DCPS: variants seen among roughly 807,000 people sequenced by gnomAD.
DCPS encodes decapping enzyme, scavenger, also known as m7GpppX diphosphatase.
A neutral mutation model predicts 34.7 loss-of-function variants in DCPS; 27 were observed. The ratio of observed to expected loss-of-function variants is 0.78; its 90% CI spans 0.57 to 1.07. The LOEUF (loss-of-function observed/expected upper bound fraction) is 1.07. Among genes scored for constraint, DCPS ranks in the 50% least tolerant of loss-of-function variants. The pLI is 0.00. For synonymous variants in DCPS, 185 were observed against 185.7 expected (o/e 1.00, Z 0.03); for missense variants, 464 against 436.9 (o/e 1.06, Z -0.55).
chr11:126,348,463 C>G lies in DCPS; in HGVS notation c.*2850C>G, dbSNP rs1381022354. ...TTCAGAGCCAGCCAGTGCTCTGCTG[C>G]TGTAATCTCCAGGGACCCTGCCGGC... On this transcript the variant is annotated 3_prime_UTR_variant, in exon 6 of 6. Transcript: ENST00000263579. The surrounding 1 kb of genome is among the most constrained non-coding windows in gnomAD (Gnocchi z 5.3). 6.6e-6 allele frequency among the ~76,000 whole-genome samples: 1 copy of G among 152,258 alleles called. No individual in the cohort carries two copies. Among genetic ancestry groups the G allele is most frequent in the African/African-American group, 2.4e-5 (1 of 41,472 alleles).
intron 1 of DCPS, 135 bp downstream of exon 1, chr11:126,304,416 C>G (rs560272115): frequency 3.0e-6 from 3 of 992,632 alleles, no homozygotes; most frequent in Non-Finnish European, 4.5e-6. Flanking sequence ...GAGTGCGCCA[C>G]TAGAATGCAT....
rs1445782478 is a variant in DCPS, at chr11:126,312,932, G to T, written c.376+6188G>T. Among the ~76,000 whole-genome samples the T allele has an allele frequency of 6.6e-6, 1 of 152,100 alleles. No homozygotes were observed. Among genetic ancestry groups the T allele is most frequent in the Non-Finnish European group, 1.5e-5 (1 of 68,026 alleles). ...GTGTGGCACATGTGAGGAGCTAATG[G>T]CCCGAAGGCTGGCACCTGAGAGCTT... On this transcript the variant is annotated intron_variant, in intron 2 of 5. Transcript: ENST00000263579. This position sits in a 1 kb window ranked among gnomAD's most constrained non-coding sequence, Gnocchi z 5.1.
rs1951835407 is a variant in DCPS, at chr11:126,336,743, G to A, written c.523-1543G>A. On this transcript the variant is annotated intron_variant, in intron 3 of 5. Transcript: ENST00000263579. The surrounding 1 kb of genome is among the most constrained non-coding windows in gnomAD (Gnocchi z 6.3). Reference sequence around the variant, plus strand: ...GAGGAAATGCCTCTGTGGATGTACTGGCCATGCATTGCTCTGGCCCCGGCA... The same window carrying A: ...GAGGAAATGCCTCTGTGGATGTACTAGCCATGCATTGCTCTGGCCCCGGCA... 6.6e-6 allele frequency: 1 copy of A among 152,226 alleles called. No homozygotes were observed. Among genetic ancestry groups the A allele is most frequent in the Admixed American group, 6.5e-5 (1 of 15,282 alleles). The allele number at this position is 152,226 out of a possible 1,614,324, so 9.4% of individuals were successfully genotyped here.
chr11:126,317,553 C>T (rs898225445), intron 2 of DCPS, among the ~76,000 whole-genome samples: 1 of 152,210 alleles, frequency 6.6e-6, no homozygotes, highest in African/African-American at 2.4e-5. Context: ...CTGCTGGTTT[C>T]TTTCAATGGC....
Position 126,328,333 on chromosome 11 carries a change from G to T in DCPS, c.377-3072G>T. Among the ~76,000 whole-genome samples the T allele has an allele frequency of 6.6e-6, 1 of 152,144 alleles. No homozygotes were observed. On this transcript the variant is annotated intron_variant, in intron 2 of 5. Transcript: ENST00000263579. This position sits in a 1 kb window ranked among gnomAD's most constrained non-coding sequence, Gnocchi z 6.6. Reference sequence around the variant, plus strand: ...GGCCCTGACTGAGGCTTTCGGTGGAGACCTGAGGGAAGCCAGGCCCCTTAG... The same window carrying T: ...GGCCCTGACTGAGGCTTTCGGTGGATACCTGAGGGAAGCCAGGCCCCTTAG...
chr11:126,330,736 T>A, intron 2 of DCPS, among the ~76,000 whole-genome samples: 1 of 113,652 alleles, frequency 8.8e-6, no homozygotes, highest in Admixed American at 9.2e-5. Flanking sequence ...TTTTTTTTTT[T>A]TTTTTTTTTT....
chr11:126,329,923 GATTAAGA>G lies in DCPS; in HGVS notation c.377-1480_377-1474del, dbSNP rs1219957325. On this transcript the variant is annotated intron_variant, in intron 2 of 5. Coordinates refer to ENST00000263579, the MANE Select transcript of DCPS (RefSeq NM_014026.6). The surrounding 1 kb of genome is among the most constrained non-coding windows in gnomAD (Gnocchi z 5.0). ...CCCTGGGAGAGCCTATCCGAACCCA[GATTAAGA>G]AAGTCAGAGGGAACCATGGGTCTTT... Among the ~76,000 whole-genome samples, 1 of 152,164 alleles carries G rather than the reference GATTAAGA, an allele frequency of 6.6e-6. No individual in the cohort carries two copies. Among genetic ancestry groups the G allele is most frequent in the African/African-American group, 2.4e-5 (1 of 41,428 alleles).
Position 126,331,584 on chromosome 11 carries a change from G to A in DCPS, c.522+34G>A. 1 of 1,608,014 alleles carries A rather than the reference G, an allele frequency of 6.2e-7. No homozygotes were observed. The highest frequency in any genetic ancestry group is 8.5e-7 in the Non-Finnish European group (1 of 1,176,770). On this transcript the variant is annotated intron_variant, in intron 3 of 5. Coordinates refer to ENST00000263579, the MANE Select transcript of DCPS (RefSeq NM_014026.6). This position sits in a 1 kb window ranked among gnomAD's most constrained non-coding sequence, Gnocchi z 7.2. ...CTGCATGTCTCAGACGCAGAGCACT[G>A]CTCCCGTGGCTGGTGCCTCCTCTTA...
rs1001863544 is a variant in DCPS at position 126,315,616 on chromosome 11, A to G, written c.376+8872A>G. Among the ~76,000 whole-genome samples, 4 of 152,114 alleles carry G rather than the reference A, an allele frequency of 2.6e-5. No homozygotes were observed. The highest frequency in any genetic ancestry group is 4.8e-5 in the African/African-American group (2 of 41,376). On this transcript the variant is annotated intron_variant, in intron 2 of 5. Transcript: ENST00000263579. This position sits in a 1 kb window ranked among gnomAD's most constrained non-coding sequence, Gnocchi z 6.1. ...AGTAAAACCATTAAGGAGTATTTAC[A>G]TGATTGAGGCCATATTAATATGCAT...
rs957471334 is a variant in DCPS, at chr11:126,344,730, G to T, written c.748-617G>T. Among the ~76,000 whole-genome samples the T allele has an allele frequency of 6.6e-6, 1 of 152,198 alleles. No individual in the cohort carries two copies. Among genetic ancestry groups the T allele is most frequent in the Non-Finnish European group, 1.5e-5 (1 of 68,048 alleles). On this transcript the variant is annotated intron_variant, in intron 5 of 5. Transcript: ENST00000263579. The surrounding 1 kb of genome is among the most constrained non-coding windows in gnomAD (Gnocchi z 8.1). ...AGACCCACCCCTGAGCAAGGTGGAG[G>T]TGGGCAAAGGGAGCCAGGGCCAAAG...
At position 126,334,369 on chromosome 11, in the gene DCPS, G is replaced by A. The variant is rs1227150288; in HGVS notation, c.522+2819G>A. Among the ~76,000 whole-genome samples, 1 of 152,072 alleles carries A rather than the reference G, an allele frequency of 6.6e-6. No homozygotes were observed. Among genetic ancestry groups the A allele is most frequent in the African/African-American group, 2.4e-5 (1 of 41,386 alleles). On this transcript the variant is annotated intron_variant, in intron 3 of 5. Transcript: ENST00000263579. This position sits in a 1 kb window ranked among gnomAD's most constrained non-coding sequence, Gnocchi z 5.5. ...ATTATTTATTTATTTTTGAGATGGA[G>A]TTTCACTCTTGTTGCCCAAGCTGGA... is the stretch of plus-strand genomic sequence containing the variant.
chr11:126,322,145 A>C lies in DCPS; in HGVS notation c.377-9260A>C, dbSNP rs111818146. 2.4e-3 allele frequency among the ~76,000 whole-genome samples: 369 copies of C among 152,338 alleles called. 7 individuals carry two copies. Among genetic ancestry groups the C allele is most frequent in the African/African-American group, 8.2e-3 (343 of 41,578 alleles). On this transcript the variant is annotated intron_variant, in intron 2 of 5. Transcript: ENST00000263579. This position sits in a 1 kb window ranked among gnomAD's most constrained non-coding sequence, Gnocchi z 4.2. The stretch of plus-strand genomic sequence containing the variant: ...TAGCACAATGGATGAAGATAAAACC[A>C]CTTTGAGATCCAACCACACCATCAG...
In DCPS at chr11:126,325,663, CAT is replaced by C. The variant is rs1442307192; in HGVS notation, c.377-5737_377-5736del. ...AAACAAGCTTCATTTGACTCTTTGA[CAT>C]ATATGCAAGTACAATTTGAATTAAA... On this transcript the variant is annotated intron_variant, in intron 2 of 5. Coordinates refer to ENST00000263579, the MANE Select transcript of DCPS (RefSeq NM_014026.6). This position sits in a 1 kb window ranked among gnomAD's most constrained non-coding sequence, Gnocchi z 4.3. Among the ~76,000 whole-genome samples, 1 of 152,122 alleles carries C rather than the reference CAT, an allele frequency of 6.6e-6. No individual in the cohort carries two copies. Among genetic ancestry groups the C allele is most frequent in the Non-Finnish European group, 1.5e-5 (1 of 68,024 alleles).
chr11:126,347,956 C>T lies in DCPS; in HGVS notation c.*2343C>T, dbSNP rs992022627. On this transcript the variant is annotated 3_prime_UTR_variant, in exon 6 of 6. Coordinates refer to ENST00000263579, the MANE Select transcript of DCPS (RefSeq NM_014026.6). The surrounding 1 kb of genome is among the most constrained non-coding windows in gnomAD (Gnocchi z 4.2). ...CCTTCCCTGTGGCCTCAGCCCATGCCCTCCTGCCCAGCCCCCAGTGGTGCT... is the reference window on the plus strand; with the variant it reads ...CCTTCCCTGTGGCCTCAGCCCATGCTCTCCTGCCCAGCCCCCAGTGGTGCT... Among the ~76,000 whole-genome samples, 1 of 152,120 alleles carries T rather than the reference C, an allele frequency of 6.6e-6. No homozygotes were observed. Among genetic ancestry groups the T allele is most frequent in the African/African-American group, 2.4e-5 (1 of 41,420 alleles).
At chr11:126,307,962 G>C (rs189114546) in intron 2 of DCPS, among the ~76,000 whole-genome samples, 2 of 152,242 alleles carry the variant, frequency 1.3e-5, no homozygotes, top group African/African-American at 4.8e-5. Context: ...TCTGTGGGCC[G>C]GCCAGTGTGT....
Position 126,323,562 on chromosome 11 carries a change from G to T in DCPS, c.377-7843G>T, listed in dbSNP as rs1306344789. 2.0e-5 allele frequency among the ~76,000 whole-genome samples: 3 copies of T among 150,890 alleles called. No homozygotes were observed. Among genetic ancestry groups the T allele is most frequent in the South Asian group, 2.1e-4 (1 of 4,792 alleles). The stretch of plus-strand genomic sequence containing the variant: ...TTTTCTTTTTTTTTTTTGAGACAGG[G>T]TCTTGCTCAGTCACCCAGGCTGGAG... On this transcript the variant is annotated intron_variant, in intron 2 of 5. Transcript: ENST00000263579. This position sits in a 1 kb window ranked among gnomAD's most constrained non-coding sequence, Gnocchi z 4.4.
chr11:126,313,301 T>C lies in DCPS; in HGVS notation c.376+6557T>C, dbSNP rs951946328. On this transcript the variant is annotated intron_variant, in intron 2 of 5. Coordinates refer to ENST00000263579, the MANE Select transcript of DCPS (RefSeq NM_014026.6). The surrounding 1 kb of genome is among the most constrained non-coding windows in gnomAD (Gnocchi z 4.9). Reference sequence around the variant, plus strand: ...CCACAGGCCAGGGTTTTCCGCCCTGTGCTATTTGCAGAGGCAAAACCCGGA... The same window carrying C: ...CCACAGGCCAGGGTTTTCCGCCCTGCGCTATTTGCAGAGGCAAAACCCGGA... Among the ~76,000 whole-genome samples, 4 of 152,156 alleles carry C rather than the reference T, an allele frequency of 2.6e-5. No homozygotes were observed. The highest frequency in any genetic ancestry group is 9.7e-5 in the African/African-American group (4 of 41,448).
In DCPS at chr11:126,347,571, G is replaced by A. The variant is rs1951947275; in HGVS notation, c.*1958G>A. 6.6e-6 allele frequency among the ~76,000 whole-genome samples: 1 copy of A among 152,210 alleles called. No homozygotes were observed. Among genetic ancestry groups the A allele is most frequent in the Non-Finnish European group, 1.5e-5 (1 of 68,036 alleles). On this transcript the variant is annotated 3_prime_UTR_variant, in exon 6 of 6. Transcript: ENST00000263579. This position sits in a 1 kb window ranked among gnomAD's most constrained non-coding sequence, Gnocchi z 4.2. Reference sequence around the variant, plus strand: ...TAGATTCAGGCAACATGGAGTTGCAGCCAAGGAACTTTGAGGTAGTGACCA... The same window carrying A: ...TAGATTCAGGCAACATGGAGTTGCAACCAAGGAACTTTGAGGTAGTGACCA...
Position 126,327,205 on chromosome 11 carries a change from G to A in DCPS, c.377-4200G>A, listed in dbSNP as rs1486686380. 6.6e-6 allele frequency among the ~76,000 whole-genome samples: 1 copy of A among 152,080 alleles called. No individual in the cohort carries two copies. Among genetic ancestry groups the A allele is most frequent in the Non-Finnish European group, 1.5e-5 (1 of 68,024 alleles). ...CCGTCTCTTTAGTCTCCCTTCATCT[G>A]GAGCAATTCCTCAGCCTTCTTTGTC... On this transcript the variant is annotated intron_variant, in intron 2 of 5. Coordinates refer to ENST00000263579, the MANE Select transcript of DCPS (RefSeq NM_014026.6). The surrounding 1 kb of genome is among the most constrained non-coding windows in gnomAD (Gnocchi z 4.1).
Sources: gnomAD v4.1 joint callset for allele counts (sites outside exome capture counted in the v4.1 genomes callset) on GRCh38, gnomAD v4.1.1 for gene constraint, Gnocchi (gnomAD v3.1) non-coding constraint, MANE v1.5 for transcripts, NCBI Gene and HGNC (gene_info 2026-07-23, HGNC 2026-07-21) for gene names.